IGF1: variants seen among roughly 807,000 people sequenced by gnomAD.
IGF1 encodes the protein insulin-like growth factor 1.
A neutral mutation model predicts 13.8 loss-of-function variants in IGF1; 4 were observed. The ratio of observed to expected loss-of-function variants is 0.29; its 90% CI spans 0.14 to 0.66. The LOEUF is 0.66. IGF1 is among the 30% of genes least tolerant of loss of function. The pLI, the probability that IGF1 is intolerant of heterozygous loss-of-function variation, is 0.78. For missense variants in IGF1, 124 were observed against 188.5 expected (o/e 0.66, Z 2.00); for synonymous variants, 76 against 72.6 (o/e 1.05, Z -0.23).
In IGF1 at chr12:102,431,773, G is replaced by A. The variant is rs570453835; in HGVS notation, c.221-12083C>T. Reference sequence around the variant, plus strand: ...TGGACCCACTAACCCCAGGATTTGAGTACATGGAGTTGCACAGAGTTTTAT... The same window carrying A: ...TGGACCCACTAACCCCAGGATTTGAATACATGGAGTTGCACAGAGTTTTAT... On this transcript the variant is annotated intron_variant, in intron 2 of 3. Coordinates refer to ENST00000337514, the MANE Select transcript of IGF1 (RefSeq NM_000618.5). Among the ~76,000 whole-genome samples, 7 of 152,286 alleles carry A rather than the reference G, an allele frequency of 4.6e-5. No homozygotes were observed. The East Asian group carries it at 1.4e-3, about 29-fold the overall frequency.
chr12:102,405,603 G>T (rs1003861425), intron 3 of IGF1, among the ~76,000 whole-genome samples: 2 of 151,980 alleles, frequency 1.3e-5, no homozygotes, highest in African/African-American at 4.8e-5. Context: ...ATTAACAGGC[G>T]GAGAAACACA....
intron 3 of IGF1, among the ~76,000 whole-genome samples, chr12:102,403,752 A>G (rs192432958): frequency 3.4e-5 from 5 of 148,554 alleles, no homozygotes; most frequent in Non-Finnish European, 7.4e-5. Flanking sequence ...CATTCCAGGC[A>G]TGAGCCACTG....
At chr12:102,438,878 G>T (rs1423072422) in intron 2 of IGF1, among the ~76,000 whole-genome samples, 1 of 152,166 alleles carries the variant, frequency 6.6e-6, no homozygotes, top group Admixed American at 6.5e-5. Context: ...TCCATCAAAG[G>T]CAGTACCATC....
chr12:102,444,306 C>G (rs748201313), intron 2 of IGF1, among the ~76,000 whole-genome samples: 3 of 151,606 alleles, frequency 2.0e-5, no homozygotes, highest in Non-Finnish European at 4.4e-5. Flanking sequence ...AGGAAATGTA[C>G]CCCATATCTG....
At chr12:102,403,607 C>A (rs1380406894) in intron 3 of IGF1, among the ~76,000 whole-genome samples, 1 of 149,700 alleles carries the variant, frequency 6.7e-6, no homozygotes, top group African/African-American at 2.5e-5. Context: ...CAGGCGCATG[C>A]CACCATGCCT....
chr12:102,467,461 T>C (rs942959603), intron 2 of IGF1, among the ~76,000 whole-genome samples: 1 of 152,200 alleles, frequency 6.6e-6, no homozygotes, highest in East Asian at 1.9e-4. Flanking sequence ...TCCAAAGCAT[T>C]TCTACCAAAG....
rs528043060 is a variant in IGF1 at position 102,426,910 on chromosome 12, C to T, written c.221-7220G>A. On this transcript the variant is annotated intron_variant, in intron 2 of 3. Coordinates refer to ENST00000337514, the MANE Select transcript of IGF1 (RefSeq NM_000618.5). ...TCCTTTCCTCTTCTGCTACTGACAG[C>T]CTTTGACATTCTTTTTATTCACTGA... 8.5e-5 allele frequency among the ~76,000 whole-genome samples: 13 copies of T among 152,278 alleles called. No homozygotes were observed. The East Asian group carries it at 2.3e-3, about 27-fold the overall frequency.
intron 2 of IGF1, among the ~76,000 whole-genome samples, chr12:102,466,905 C>CA (rs1401821164): frequency 1.3e-5 from 2 of 151,560 alleles, no homozygotes; most frequent in Non-Finnish European, 2.9e-5. Context: ...GACCCTGTCT[C>CA]AAAAAAACAA....
intron 2 of IGF1, among the ~76,000 whole-genome samples, chr12:102,473,552 A>T (rs1880817871): frequency 6.6e-6 from 1 of 152,234 alleles, no homozygotes; most frequent in Non-Finnish European, 1.5e-5. Flanking sequence ...AAGTCATGGA[A>T]TTCTATAAGG....
At chr12:102,435,608 A>T (rs559389054) in intron 2 of IGF1, among the ~76,000 whole-genome samples, 1 of 152,354 alleles carries the variant, frequency 6.6e-6, no homozygotes, top group South Asian at 2.1e-4. Context: ...TGAGAGTTTA[A>T]GTGGCTTATG....
At chr12:102,471,722 G>C (rs1880699873) in intron 2 of IGF1, among the ~76,000 whole-genome samples, 1 of 152,126 alleles carries the variant, frequency 6.6e-6, no homozygotes, top group Non-Finnish European at 1.5e-5. Flanking sequence ...CCAAGGTAAA[G>C]CATATACAGT....
In IGF1 at chr12:102,423,261, A is replaced by G. The variant is rs1301530793; in HGVS notation, c.221-3571T>C. On this transcript the variant is annotated intron_variant, in intron 2 of 3. Coordinates refer to ENST00000337514, the MANE Select transcript of IGF1 (RefSeq NM_000618.5). ...TAATTGTCCTTACTCGATGCTACGA[A>G]AAAAAAAAAAAAAAAAAAAAAAAAA... The G allele has an allele frequency of 2.0e-4, 7 of 34,974 alleles. No individual in the cohort carries two copies. The Admixed American group carries it at 2.9e-3, about 14-fold the overall frequency. 2.2% of individuals were successfully genotyped at this position (34,974 alleles called of 1,614,324 possible). A position where few individuals can be genotyped will look rare whatever the true frequency, so the allele number is the denominator to read the frequency against.
At chr12:102,452,033 C>G (rs1455501404) in intron 2 of IGF1, among the ~76,000 whole-genome samples, 2 of 152,034 alleles carry the variant, frequency 1.3e-5, no homozygotes, top group African/African-American at 4.8e-5. Flanking sequence ...GAGGCCGAGG[C>G]GGGCGGATCA....
chr12:102,414,973 G>GT (rs1565966311), intron 3 of IGF1, among the ~76,000 whole-genome samples: 1 of 152,212 alleles, frequency 6.6e-6, no homozygotes, highest in East Asian at 1.9e-4. Context: ...ATTAAGGGGA[G>GT]TAATAGGTGT....
intron 2 of IGF1, among the ~76,000 whole-genome samples, chr12:102,470,441 A>G (rs556481591): frequency 7.9e-5 from 12 of 152,346 alleles, no homozygotes; most frequent in South Asian, 6.2e-4. Flanking sequence ...TAGTGGTCCT[A>G]TGGTTGCAGA....
chr12:102,405,797 A>G (rs1460914354), intron 3 of IGF1, among the ~76,000 whole-genome samples: 1 of 152,238 alleles, frequency 6.6e-6, no homozygotes, highest in African/African-American at 2.4e-5. Context: ...ATTAATCCCA[A>G]ATTTCTACAA....
rs1204635032 is a variant in IGF1, at chr12:102,400,253, TAATC to T, written c.*2250_*2253del. The T allele has an allele frequency of 1.3e-5, 2 of 151,822 alleles. No individual in the cohort carries two copies. The highest frequency in any genetic ancestry group is 4.8e-5 in the African/African-American group (2 of 41,372). 9.4% of individuals were successfully genotyped at this position (151,822 alleles called of 1,614,324 possible). A position where few individuals can be genotyped will look rare whatever the true frequency, so the allele number is the denominator to read the frequency against. On this transcript the variant is annotated 3_prime_UTR_variant, in exon 4 of 4. Coordinates refer to ENST00000337514, the MANE Select transcript of IGF1 (RefSeq NM_000618.5). ...TGTAAAATATAGAATTTGCATGAAA[TAATC>T]AAGCCTGGGTACTTTTAACCAAAAA...
At position 102,396,735 on chromosome 12, in the gene IGF1, T is replaced by C. The variant is rs531605065; in HGVS notation, c.*5772A>G. ...TCCGGTTATTAGGAGAAACTCTGTCTCCATCTTAACTCATATTTCAGTTGA... is the reference window on the plus strand; with the variant it reads ...TCCGGTTATTAGGAGAAACTCTGTCCCCATCTTAACTCATATTTCAGTTGA... On this transcript the variant is annotated 3_prime_UTR_variant, in exon 4 of 4. Transcript: ENST00000337514. 8.1e-5 allele frequency: 32 copies of C among 395,228 alleles called. No homozygotes were observed. Among genetic ancestry groups the C allele is most frequent in the Non-Finnish European group, 1.3e-4 (30 of 224,124 alleles). 24.5% of individuals were successfully genotyped at this position (395,228 alleles called of 1,614,324 possible). A position where few individuals can be genotyped will look rare whatever the true frequency, so the allele number is the denominator to read the frequency against.
At chr12:102,456,741 A>G (rs1462661387) in intron 2 of IGF1, among the ~76,000 whole-genome samples, 1 of 152,174 alleles carries the variant, frequency 6.6e-6, no homozygotes, top group Non-Finnish European at 1.5e-5. Flanking sequence ...TATTACAGCA[A>G]TTCCTACATT....
Sources: allele counts gnomAD v4.1 joint callset (sites outside exome capture counted in the v4.1 genomes callset), GRCh38; gene constraint gnomAD v4.1.1; transcripts MANE v1.5; gene names NCBI Gene and HGNC (gene_info 2026-07-23, HGNC 2026-07-21).